Variants in SYN2 observed in about 807,000 individuals in gnomAD.
SYN2 encodes the protein synapsin II.
SYN2 carries 19 observed loss-of-function variants against 50.9 expected under a neutral mutation model. That is an observed-to-expected ratio of 0.37 (90% confidence interval 0.26 to 0.55). The LOEUF (loss-of-function observed/expected upper bound fraction) is 0.55, where lower values mean the gene tolerates loss of function less well. SYN2 is among the 20% of genes least tolerant of loss of function. The pLI, the probability that SYN2 is intolerant of heterozygous loss-of-function variation, is 0.81. For missense variants in SYN2, 587 were observed against 576.4 expected (o/e 1.02, Z -0.19); for synonymous variants, 255 against 224.9 (o/e 1.13, Z -1.20).
intron 1 of SYN2, among the ~76,000 whole-genome samples, chr3:12,048,769 G>T: frequency 6.6e-6 from 1 of 152,190 alleles, no homozygotes; most frequent in East Asian, 1.9e-4. Context: ...TTGAGGCACA[G>T]GAAAGATAAT....
At chr3:12,117,452 A>G (rs1333733965) in intron 1 of SYN2, among the ~76,000 whole-genome samples, 1 of 152,206 alleles carries the variant, frequency 6.6e-6, no homozygotes, top group African/African-American at 2.4e-5. Flanking sequence ...GAAATATCCT[A>G]TCTTATTTAA....
chr3:12,141,507 A>G (rs1325095647), intron 2 of SYN2, among the ~76,000 whole-genome samples: 1 of 152,214 alleles, frequency 6.6e-6, no homozygotes, highest in Non-Finnish European at 1.5e-5. Context: ...ACTAAAAACT[A>G]GTTACCTAAA....
chr3:12,144,791 C>T (rs1001789441), intron 3 of SYN2, among the ~76,000 whole-genome samples: 6 of 152,118 alleles, frequency 3.9e-5, no homozygotes, highest in African/African-American at 1.4e-4. Context: ...GAGGCCAAGG[C>T]GGGCAGATCA....
At position 12,187,572 on chromosome 3, in the gene SYN2, G is replaced by T; in HGVS notation, c.1573G>T (p.Ala525Ser). The change falls in exon 12 of 13, where the codon GCT becomes TCT. Residue 525 changes from alanine (A) to serine (S), a missense_variant. By Grantham distance (99) the Ala-to-Ser change is moderately conservative. Transcript: ENST00000621198. ...SSLAEAQPPL[A>S]APPQKPQPHP... ...CCTGGCAGAGGCCCAGCCACCCCTG[G>T]CTGCTCCACCACAGAAGCCCCAGCC... is the stretch of plus-strand genomic sequence containing the variant. 1 of 1,551,892 alleles carries T rather than the reference G, an allele frequency of 6.4e-7. No homozygotes were observed. The highest frequency in any genetic ancestry group is 8.7e-7 in the Non-Finnish European group (1 of 1,146,956).
chr3:12,017,573 C>T (rs1232842920), intron 1 of SYN2, among the ~76,000 whole-genome samples: 2 of 152,182 alleles, frequency 1.3e-5, no homozygotes, highest in Admixed American at 6.5e-5. Flanking sequence ...TTCTTATTCT[C>T]TCTGAACTTT....
chr3:12,158,686 C>G, intron 5 of SYN2: 1 of 1,609,096 alleles, frequency 6.2e-7, no homozygotes, highest in Non-Finnish European at 8.5e-7. Flanking sequence ...GTGGACCTCG[C>G]GGACCTCGGA....
At chr3:12,174,418 C>T (rs1459416086) in intron 10 of SYN2, among the ~76,000 whole-genome samples, 1 of 152,142 alleles carries the variant, frequency 6.6e-6, no homozygotes, top group African/African-American at 2.4e-5. Context: ...GCTCACTGTG[C>T]CCTAGCCACA....
intron 4 of SYN2, among the ~76,000 whole-genome samples, chr3:12,149,246 C>T (rs1390940596): frequency 6.6e-6 from 1 of 152,186 alleles, no homozygotes; most frequent in Non-Finnish European, 1.5e-5. Context: ...TGGGCTGCAG[C>T]AGGACAGAGG....
At chr3:12,115,444 G>A (rs903320657) in intron 1 of SYN2, among the ~76,000 whole-genome samples, 4 of 152,254 alleles carry the variant, frequency 2.6e-5, no homozygotes, top group South Asian at 2.1e-4. Context: ...TTCAACCCTC[G>A]TATCTTGTAC....
Position 12,162,026 on chromosome 3 carries a change from C to T in SYN2, c.852C>T (p.Asn284=). The part of the protein sequence containing the change: ...HSGMGKVKVE[N]HYDFQDIASV... ...TCTAACATTAGGTCAAAGTGGAAAA[C>T]CACTACGACTTCCAGGACATTGCCA... The change falls in exon 7 of 13, where the codon AAC becomes AAT. Residue 284 remains asparagine, a synonymous_variant. Coordinates refer to ENST00000621198, the MANE Select transcript of SYN2 (RefSeq NM_133625.6). 1 of 1,613,986 alleles carries T rather than the reference C, an allele frequency of 6.2e-7. No homozygotes were observed. The highest frequency in any genetic ancestry group is 1.1e-5 in the South Asian group (1 of 91,078).
chr3:12,038,464 G>A (rs1185934348), intron 1 of SYN2, among the ~76,000 whole-genome samples: 1 of 152,028 alleles, frequency 6.6e-6, no homozygotes, highest in African/African-American at 2.4e-5. Context: ...CTGCAAAAAA[G>A]GCAGCTGAAA....
chr3:12,151,178 G>T, intron 4 of SYN2, 59 bp from the exon 5 acceptor site: 1 of 1,219,516 alleles, frequency 8.2e-7, no homozygotes, highest in Non-Finnish European at 1.2e-6. Context: ...ATGAGTTGAT[G>T]TTTCATCTGT....
intron 2 of SYN2, among the ~76,000 whole-genome samples, chr3:12,141,296 C>A (rs916661908): frequency 1.2e-4 from 18 of 151,778 alleles, no homozygotes; most frequent in Admixed American, 1.1e-3. Flanking sequence ...TTCAACAATG[C>A]ATGTATTTCC....
Position 12,129,896 on chromosome 3 carries a change from C to T in SYN2, c.378-10755C>T, listed in dbSNP as rs1014266147. 9.9e-5 allele frequency among the ~76,000 whole-genome samples: 15 copies of T among 152,204 alleles called. No individual in the cohort carries two copies. In the East Asian group the frequency reaches 1.4e-3, roughly 14 times the overall value. Reference sequence around the variant, plus strand: ...GGAGGTGATTAGGTTGAGATGAGGTCATGAGAGCGGGGCCCTCACGATGGT... The same window carrying T: ...GGAGGTGATTAGGTTGAGATGAGGTTATGAGAGCGGGGCCCTCACGATGGT... On this transcript the variant is annotated intron_variant, in intron 1 of 12. Coordinates refer to ENST00000621198, the MANE Select transcript of SYN2 (RefSeq NM_133625.6).
chr3:12,064,575 A>G (rs1452699673), intron 1 of SYN2, among the ~76,000 whole-genome samples: 2 of 152,106 alleles, frequency 1.3e-5, no homozygotes, highest in Non-Finnish European at 2.9e-5. Context: ...AAGGATTTGA[A>G]TAGACATTTC....
chr3:12,018,292 T>C (rs941218991), intron 1 of SYN2, among the ~76,000 whole-genome samples: 15 of 152,064 alleles, frequency 9.9e-5, no homozygotes, highest in African/African-American at 3.6e-4. Flanking sequence ...AAAAATATAG[T>C]AACAGTAATG....
At chr3:12,142,574 A>G (rs979116076) in intron 3 of SYN2, among the ~76,000 whole-genome samples, 9 of 152,178 alleles carry the variant, frequency 5.9e-5, no homozygotes, top group African/African-American at 1.7e-4. Flanking sequence ...AAAATTAGCA[A>G]TTATTGAGCA....
intron 1 of SYN2, among the ~76,000 whole-genome samples, chr3:12,077,967 A>G (rs564777998): frequency 2.0e-5 from 3 of 152,138 alleles, no homozygotes; most frequent in Non-Finnish European, 2.9e-5. Context: ...TTTCTCTGCA[A>G]CCTTGCCAGC....
intron 1 of SYN2, among the ~76,000 whole-genome samples, chr3:12,039,549 ATTTTTTTTTT>A (rs60746238): frequency 2.2e-4 from 26 of 117,996 alleles, no homozygotes; most frequent in East Asian, 8.3e-4. Flanking sequence ...AGAAGCAAAG[ATTTTTTTTTT>A]TTTTTTTTTT....
Sources: allele counts gnomAD v4.1 joint callset (sites outside exome capture counted in the v4.1 genomes callset), GRCh38; gene constraint gnomAD v4.1.1; transcripts MANE v1.5; gene names NCBI Gene and HGNC (gene_info 2026-07-23, HGNC 2026-07-21).